KCNMA1: variants seen among roughly 807,000 people sequenced by gnomAD.
KCNMA1 encodes Calcium-activated potassium channel subunit alpha-1.
KCNMA1 carries 29 observed loss-of-function variants against 140.0 expected under a neutral mutation model. That is an observed-to-expected ratio of 0.21 (90% confidence interval 0.15 to 0.28). KCNMA1 has a LOEUF of 0.28. Ranked by LOEUF, KCNMA1 falls within the 10% of genes least tolerant of loss-of-function variation. The pLI is 1.00. For missense variants in KCNMA1, 880 were observed against 1,602.2 expected (o/e 0.55, Z 7.70); for synonymous variants, 612 against 611.9 (o/e 1.00, Z 0.00).
At chr10:77,567,861 G>T (rs1296875441) in intron 1 of KCNMA1, among the ~76,000 whole-genome samples, 4 of 152,196 alleles carry the variant, frequency 2.6e-5, no homozygotes, top group Admixed American at 2.6e-4. Flanking sequence ...GGAGGCCAAG[G>T]CAAGTGGACT....
intron 5 of KCNMA1, among the ~76,000 whole-genome samples, chr10:77,129,899 A>G (rs2097821699): frequency 6.6e-6 from 1 of 152,214 alleles, no homozygotes; most frequent in Admixed American, 6.5e-5. Flanking sequence ...CACACAAAAA[A>G]GAAATCCATT....
chr10:77,582,450 C>T (rs1018966111), intron 1 of KCNMA1, among the ~76,000 whole-genome samples: 2 of 152,210 alleles, frequency 1.3e-5, no homozygotes, highest in African/African-American at 4.8e-5. Context: ...TGCTCATTCC[C>T]TACCTAATGC....
intron 2 of KCNMA1, among the ~76,000 whole-genome samples, chr10:77,375,476 G>C (rs186421648): frequency 7.8e-4 from 119 of 152,302 alleles, no homozygotes; most frequent in African/African-American, 2.8e-3. Context: ...TTAATGACCT[G>C]GTGCCTGCCT....
At chr10:77,434,289 A>G (rs749567528) in intron 1 of KCNMA1, among the ~76,000 whole-genome samples, 14 of 152,218 alleles carry the variant, frequency 9.2e-5, no homozygotes, top group Non-Finnish European at 1.8e-4. Context: ...ACTGCACCAG[A>G]ACAGGCATTC....
At chr10:76,898,726 T>C (rs1356956792) in intron 25 of KCNMA1, among the ~76,000 whole-genome samples, 1 of 151,834 alleles carries the variant, frequency 6.6e-6, no homozygotes, top group Non-Finnish European at 1.5e-5. Flanking sequence ...TTAAAGAATA[T>C]TTGAGAATGA....
At chr10:77,040,048 AT>A (rs35787824) in intron 14 of KCNMA1, among the ~76,000 whole-genome samples, 174 of 143,428 alleles carry the variant, frequency 1.2e-3, no homozygotes, top group Middle Eastern at 3.6e-3. Context: ...ACACCTGGCA[AT>A]TTTTTTTTTT....
intron 3 of KCNMA1, among the ~76,000 whole-genome samples, chr10:77,197,846 G>A (rs1165759939): frequency 6.6e-6 from 1 of 152,176 alleles, no homozygotes; most frequent in Non-Finnish European, 1.5e-5. Context: ...CGATATGAGA[G>A]AGGTGAGTTA....
intron 1 of KCNMA1, among the ~76,000 whole-genome samples, chr10:77,471,992 TACACACACC>T (rs2098167474): frequency 7.1e-6 from 1 of 140,424 alleles, no homozygotes; most frequent in South Asian, 2.3e-4. Context: ...TAATGCCACA[TACACACACC>T]ACACACACAT....
chr10:76,910,356 A>G, intron 24 of KCNMA1: 1 of 456,872 alleles, frequency 2.2e-6, no homozygotes, highest in Non-Finnish European at 4.1e-6. Context: ...TGGAGGACCA[A>G]TAGACTGTGC....
At chr10:77,082,277 T>C (rs2096599058) in intron 12 of KCNMA1, among the ~76,000 whole-genome samples, 1 of 152,064 alleles carries the variant, frequency 6.6e-6, no homozygotes, top group Admixed American at 6.6e-5. Context: ...TCTGCCCACC[T>C]TGGCCTCCCA....
intron 2 of KCNMA1, among the ~76,000 whole-genome samples, chr10:77,371,449 G>A (rs796590452): frequency 2.6e-5 from 4 of 152,268 alleles, no homozygotes; most frequent in African/African-American, 9.6e-5. Flanking sequence ...TGGGTCAGCA[G>A]TCTTGACCCC....
intron 2 of KCNMA1, among the ~76,000 whole-genome samples, chr10:77,360,701 A>G (rs2093873441): frequency 6.6e-6 from 1 of 152,162 alleles, no homozygotes; most frequent in African/African-American, 2.4e-5. Context: ...CGGGTCTCCA[A>G]AGGGAAACTC....
intron 23 of KCNMA1, among the ~76,000 whole-genome samples, chr10:76,941,083 AAG>A (rs1280491433): frequency 1.6e-5 from 2 of 124,010 alleles, no homozygotes; most frequent in Non-Finnish European, 3.3e-5. Flanking sequence ...GAAAGAAAGA[AAG>A]AGAAAGAAAG....
intron 5 of KCNMA1, among the ~76,000 whole-genome samples, chr10:77,169,629 C>T (rs1330150705): frequency 2.0e-5 from 3 of 152,062 alleles, no homozygotes; most frequent in Non-Finnish European, 4.4e-5. Context: ...ATCCTCTTGC[C>T]TTGGGCTCTC....
At chr10:77,419,421 C>T (rs986128569) in intron 1 of KCNMA1, among the ~76,000 whole-genome samples, 6 of 152,094 alleles carry the variant, frequency 3.9e-5, no homozygotes, top group African/African-American at 1.4e-4. Flanking sequence ...ACCTGAATCC[C>T]AAGTCTCTTT....
At chr10:77,567,099 A>G (rs1192458495) in intron 1 of KCNMA1, among the ~76,000 whole-genome samples, 2 of 152,132 alleles carry the variant, frequency 1.3e-5, no homozygotes, top group Admixed American at 6.5e-5. Flanking sequence ...CCTCTAGAAG[A>G]GCTGACCAAG....
chr10:77,552,948 C>T (rs771750379), intron 1 of KCNMA1, among the ~76,000 whole-genome samples: 104 of 152,168 alleles, frequency 6.8e-4, no homozygotes, highest in South Asian at 2.3e-3. Flanking sequence ...ACTGGGGAGG[C>T]TGGGGCATGA....
At chr10:77,483,413 C>T (rs2098424797) in intron 1 of KCNMA1, among the ~76,000 whole-genome samples, 1 of 152,208 alleles carries the variant, frequency 6.6e-6, no homozygotes, top group Admixed American at 6.5e-5. Flanking sequence ...GACACAGGCT[C>T]TCACTTCATC....
At chr10:77,116,012 T>C (rs901035372) in intron 6 of KCNMA1, among the ~76,000 whole-genome samples, 7 of 152,194 alleles carry the variant, frequency 4.6e-5, no homozygotes, top group Admixed American at 4.6e-4. Context: ...CTGTGTGCTC[T>C]GCATAGCAAA....
Sources: allele counts gnomAD v4.1 joint callset (sites outside exome capture counted in the v4.1 genomes callset), GRCh38; gene constraint gnomAD v4.1.1; transcripts MANE v1.5; gene names NCBI Gene and HGNC (gene_info 2026-07-23, HGNC 2026-07-21).